The following CLSTN2 variants were observed in gnomAD, a reference collection of about 807,000 sequenced individuals.
CLSTN2 encodes the protein calsyntenin-2.
CLSTN2 carries 48 observed loss-of-function variants against 101.2 expected under a neutral mutation model. The ratio of observed to expected loss-of-function variants is 0.47; its 90% CI spans 0.38 to 0.60. CLSTN2 has a LOEUF of 0.60. Among genes scored for constraint, CLSTN2 ranks in the 20% least tolerant of loss-of-function variants. CLSTN2 has a pLI of 0.00. For synonymous variants in CLSTN2, 481 were observed against 463.6 expected (o/e 1.04, Z -0.48); for missense variants, 1,160 against 1,238.2 (o/e 0.94, Z 0.95).
intron 1 of CLSTN2, among the ~76,000 whole-genome samples, chr3:140,017,351 G>C (rs1045726105): frequency 5.3e-5 from 8 of 152,316 alleles, no homozygotes; most frequent in Middle Eastern, 3.4e-3. Flanking sequence ...CAGAAGGGTG[G>C]TCACTGAAGG....
intron 1 of CLSTN2, among the ~76,000 whole-genome samples, chr3:140,086,617 T>G (rs550727846): frequency 2.6e-5 from 4 of 152,212 alleles, no homozygotes; most frequent in Non-Finnish European, 5.9e-5. Flanking sequence ...TTATTTATCA[T>G]GTATACACTC....
chr3:140,383,793 A>C (rs1430483576), intron 2 of CLSTN2, among the ~76,000 whole-genome samples: 1 of 152,252 alleles, frequency 6.6e-6, no homozygotes, highest in East Asian at 1.9e-4. Context: ...TTTACCATAC[A>C]GTGAGATGGA....
intron 1 of CLSTN2, among the ~76,000 whole-genome samples, chr3:140,069,519 A>C (rs2008356598): frequency 6.6e-6 from 1 of 152,186 alleles, no homozygotes; most frequent in African/African-American, 2.4e-5. Context: ...ATAAGAAGTA[A>C]GTATGACCCT....
chr3:140,225,726 G>C (rs1191004982), intron 2 of CLSTN2, among the ~76,000 whole-genome samples: 1 of 152,010 alleles, frequency 6.6e-6, no homozygotes, highest in African/African-American at 2.4e-5. Context: ...TCAATCTCCT[G>C]ACCTCATCAT....
chr3:140,029,237 T>G (rs961613627), intron 1 of CLSTN2, among the ~76,000 whole-genome samples: 1 of 152,150 alleles, frequency 6.6e-6, no homozygotes, highest in Admixed American at 6.5e-5. Context: ...TTGTCTGGAG[T>G]GAAAGTGTGG....
chr3:140,204,109 A>G (rs991849927), intron 2 of CLSTN2, among the ~76,000 whole-genome samples: 11 of 152,162 alleles, frequency 7.2e-5, no homozygotes, highest in African/African-American at 2.4e-4. Flanking sequence ...ACCATTTTCT[A>G]CCTGGGTGAT....
chr3:140,125,636 A>G (rs1175955065), intron 1 of CLSTN2, among the ~76,000 whole-genome samples: 4 of 152,100 alleles, frequency 2.6e-5, no homozygotes, highest in Admixed American at 6.6e-5. Flanking sequence ...TGAGACAGCA[A>G]ATTTACTGGG....
At chr3:140,446,299 T>C (rs184682988) in intron 5 of CLSTN2, among the ~76,000 whole-genome samples, 112 of 152,266 alleles carry the variant, frequency 7.4e-4, no homozygotes, top group African/African-American at 2.6e-3. Context: ...GAAAATAACA[T>C]AGAAGTAGGG....
chr3:140,403,582 C>G, intron 2 of CLSTN2, 47 bp from the exon 3 acceptor site: 1 of 1,474,710 alleles, frequency 6.8e-7, no homozygotes, highest in Non-Finnish European at 9.3e-7. Context: ...TGTCTTCAGT[C>G]TGGCAATTCT....
chr3:140,339,846 G>A (rs960394837), intron 2 of CLSTN2, among the ~76,000 whole-genome samples: 1 of 152,180 alleles, frequency 6.6e-6, no homozygotes, highest in South Asian at 2.1e-4. Context: ...ATCTCTAGAA[G>A]GTTGACTTAG....
intron 8 of CLSTN2, among the ~76,000 whole-genome samples, chr3:140,473,591 T>A (rs1355873498): frequency 6.6e-6 from 1 of 152,114 alleles, no homozygotes; most frequent in African/African-American, 2.4e-5. Flanking sequence ...TGCAGCAGCC[T>A]CTAGAAACTG....
chr3:140,240,157 T>TCG, intron 2 of CLSTN2, among the ~76,000 whole-genome samples: 3 of 18,096 alleles, frequency 1.7e-4, no homozygotes, highest in Non-Finnish European at 8.0e-4. Context: ...TCTCTGTCTC[T>TCG]CTCTCTCTCT....
At chr3:140,128,167 C>A (rs1355613347) in intron 1 of CLSTN2, among the ~76,000 whole-genome samples, 1 of 151,888 alleles carries the variant, frequency 6.6e-6, no homozygotes, top group Non-Finnish European at 1.5e-5. Context: ...CCTAAGAGAC[C>A]CCATGTCCCC....
chr3:140,507,984 G>A (rs767058123), intron 8 of CLSTN2: 1 of 152,132 alleles, frequency 6.6e-6, no homozygotes, highest in Non-Finnish European at 1.5e-5. Flanking sequence ...TTTCCCCTGA[G>A]CCAACTCACT....
At chr3:140,110,815 C>T (rs1460265460) in intron 1 of CLSTN2, among the ~76,000 whole-genome samples, 1 of 152,186 alleles carries the variant, frequency 6.6e-6, no homozygotes, top group Non-Finnish European at 1.5e-5. Flanking sequence ...GCAAACCTCT[C>T]TGGAGGAGGG....
intron 1 of CLSTN2, among the ~76,000 whole-genome samples, chr3:140,117,965 A>G (rs1166255648): frequency 2.0e-5 from 3 of 152,174 alleles, no homozygotes; most frequent in Non-Finnish European, 4.4e-5. Flanking sequence ...GTCTTCCCCA[A>G]ATTTATATGT....
At chr3:140,181,966 A>T (rs1399751304) in intron 2 of CLSTN2, among the ~76,000 whole-genome samples, 1 of 152,206 alleles carries the variant, frequency 6.6e-6, no homozygotes. Flanking sequence ...GATTTACATG[A>T]TACACAGATA....
At position 139,935,402 on chromosome 3, in the gene CLSTN2, C is replaced by CCGCTCCTGCTGGCGCTGGGCGT; in HGVS notation, c.29_50dup (p.Gly18AlafsTer26). ...GCTGCCTGGGCGGCTGTGCTGGGTGCCGCTCCTGCTGGCGCTGGGCGTGGG... is the reference window on the plus strand; with the variant it reads ...GCTGCCTGGGCGGCTGTGCTGGGTGCCGCTCCTGCTGGCGCTGGGCGTCGCTCCTGCTGGCGCTGGGCGTGGG... On this transcript the variant is annotated frameshift_variant, in exon 1 of 17. Coordinates refer to ENST00000458420, the MANE Select transcript of CLSTN2 (RefSeq NM_022131.3). LOFTEE classifies it high-confidence loss of function. This position sits in a 1 kb window ranked among gnomAD's most constrained non-coding sequence, Gnocchi z 5.5. 8.1e-7 allele frequency: 1 copy of CCGCTCCTGCTGGCGCTGGGCGT among 1,230,440 alleles called. No individual in the cohort carries two copies. Among genetic ancestry groups the CCGCTCCTGCTGGCGCTGGGCGT allele is most frequent in the East Asian group, 3.2e-5 (1 of 31,586 alleles). The allele number at this position is 1,230,440 out of a possible 1,614,324, so 76.2% of individuals were successfully genotyped here.
At chr3:140,371,567 G>T (rs991538938) in intron 2 of CLSTN2, among the ~76,000 whole-genome samples, 32 of 152,148 alleles carry the variant, frequency 2.1e-4, no homozygotes, top group African/African-American at 7.0e-4. Context: ...TGGGCATGTT[G>T]GGTCTCAGTC....
Sources: gnomAD v4.1 joint callset for allele counts (sites outside exome capture counted in the v4.1 genomes callset) on GRCh38, gnomAD v4.1.1 for gene constraint, Gnocchi (gnomAD v3.1) non-coding constraint, MANE v1.5 for transcripts, NCBI Gene and HGNC (gene_info 2026-07-23, HGNC 2026-07-21) for gene names.